NDST3: variants seen among roughly 807,000 people sequenced by gnomAD.
The protein encoded by NDST3 is N-deacetylase and N-sulfotransferase 3.
Under a neutral mutation model 96.1 loss-of-function variants are expected in NDST3, and 58 were observed. That is an observed-to-expected ratio of 0.60 (90% CI 0.49 to 0.75). The LOEUF (loss-of-function observed/expected upper bound fraction) is 0.75. NDST3 is among the 30% of genes least tolerant of loss of function. The probability of loss-of-function intolerance (pLI) is 0.00; values close to 1 mark genes in which losing one functional copy is unlikely to be tolerated. For missense variants in NDST3, 788 were observed against 1,034.2 expected, an observed-to-expected ratio of 0.76 and a Z score of 3.27; for synonymous variants, 333 against 359.7, an observed-to-expected ratio of 0.93 and a Z score of 0.84.
Position 118,108,429 on chromosome 4 carries a change from T to C in NDST3, c.1069+3324T>C, listed in dbSNP as rs147084516. The stretch of plus-strand genomic sequence containing the variant: ...AAGCAAGTTTATCAGTTTTCTACAA[T>C]TGCAAATGCTTTTCAAATTTTTCAT... On this transcript the variant is annotated intron_variant, in intron 3 of 13. Coordinates refer to ENST00000296499, the MANE Select transcript of NDST3 (RefSeq NM_004784.3). Among the ~76,000 whole-genome samples the C allele has an allele frequency of 5.7e-3, 875 of 152,340 alleles. 6 individuals carry two copies. The highest frequency in any genetic ancestry group is 0.019 in the African/African-American group (789 of 41,578).
At chr4:118,182,797 T>C (rs1344738238) in intron 6 of NDST3, among the ~76,000 whole-genome samples, 1 of 152,192 alleles carries the variant, frequency 6.6e-6, no homozygotes, top group African/African-American at 2.4e-5. Context: ...TTGACTCAGT[T>C]ACCTACAGCA....
chr4:118,231,136 G>T, intron 8 of NDST3, among the ~76,000 whole-genome samples: 1 of 151,960 alleles, frequency 6.6e-6, no homozygotes, highest in East Asian at 1.9e-4. Context: ...AGGAGTTCGA[G>T]ACCAGCCTGG....
At chr4:118,167,770 A>G (rs773363326) in intron 6 of NDST3, among the ~76,000 whole-genome samples, 2 of 152,098 alleles carry the variant, frequency 1.3e-5, no homozygotes, top group African/African-American at 2.4e-5. Context: ...ATATGTTGTC[A>G]ACTGACCTTT....
At chr4:118,231,473 T>C (rs1011465322) in intron 8 of NDST3, among the ~76,000 whole-genome samples, 2 of 151,038 alleles carry the variant, frequency 1.3e-5, no homozygotes, top group Non-Finnish European at 3.0e-5. Flanking sequence ...AATAATACCA[T>C]ATTAATACCA....
chr4:118,069,710 TAAGA>T (rs1726891247), intron 2 of NDST3, among the ~76,000 whole-genome samples: 1 of 152,088 alleles, frequency 6.6e-6, no homozygotes, highest in Non-Finnish European at 1.5e-5. Context: ...TTTGTATTTG[TAAGA>T]AAGAGTTAAT....
At chr4:118,153,521 A>C (rs1734534504) in intron 6 of NDST3, among the ~76,000 whole-genome samples, 2 of 152,182 alleles carry the variant, frequency 1.3e-5, no homozygotes, top group African/African-American at 4.8e-5. Flanking sequence ...GGCATTTAAA[A>C]CATGTTGTGT....
chr4:118,206,232 G>T (rs1738435214), intron 6 of NDST3, among the ~76,000 whole-genome samples: 1 of 144,186 alleles, frequency 6.9e-6, no homozygotes, highest in Non-Finnish European at 1.5e-5. Flanking sequence ...TAACGAAGAA[G>T]ATTTGAATTA....
chr4:118,127,882 T>C (rs1732248149), intron 4 of NDST3, among the ~76,000 whole-genome samples: 1 of 152,048 alleles, frequency 6.6e-6, no homozygotes, highest in Non-Finnish European at 1.5e-5. Context: ...CAGTGTTTTA[T>C]AGTTTTCATT....
intron 6 of NDST3, among the ~76,000 whole-genome samples, chr4:118,186,486 G>A (rs891462270): frequency 2.0e-5 from 3 of 152,110 alleles, no homozygotes; most frequent in African/African-American, 7.2e-5. Flanking sequence ...TCTAATGTTC[G>A]AGGACAGGAG....
intron 6 of NDST3, among the ~76,000 whole-genome samples, chr4:118,220,872 C>A (rs553227855): frequency 6.6e-6 from 1 of 152,038 alleles, no homozygotes; most frequent in African/African-American, 2.4e-5. Flanking sequence ...AAAAGGACTA[C>A]TACAAAGCAA....
intron 2 of NDST3, among the ~76,000 whole-genome samples, chr4:118,078,401 C>T (rs1453084302): frequency 6.6e-6 from 1 of 152,134 alleles, no homozygotes; most frequent in African/African-American, 2.4e-5. Flanking sequence ...TGATTATTTA[C>T]ATTTTCTAGC....
intron 4 of NDST3, 81 bp downstream of exon 4, chr4:118,115,041 C>T (rs937507157): frequency 1.5e-5 from 22 of 1,448,506 alleles, no homozygotes; most frequent in South Asian, 1.2e-4. Flanking sequence ...GGCATAGTTG[C>T]GCTTTTCAGT....
intron 2 of NDST3, among the ~76,000 whole-genome samples, chr4:118,086,147 C>G (rs899613596): frequency 3.8e-4 from 58 of 152,154 alleles, no homozygotes; most frequent in Non-Finnish European, 5.3e-4. Flanking sequence ...TTTTCAAACC[C>G]ATAAATCTTC....
chr4:118,151,043 A>T (rs1368725858), intron 6 of NDST3, among the ~76,000 whole-genome samples: 1 of 152,058 alleles, frequency 6.6e-6, no homozygotes, highest in East Asian at 1.9e-4. Context: ...TACACCATGG[A>T]ATACTATGCA....
At position 118,253,677 on chromosome 4, in the gene NDST3, C is replaced by A. The variant is rs560717331; in HGVS notation, c.2502+76C>A. The A allele has an allele frequency of 6.9e-5, 68 of 992,440 alleles. No individual in the cohort carries two copies. The African/African-American group carries it at 9.9e-4, about 14-fold the overall frequency. 61.5% of individuals were successfully genotyped at this position (992,440 alleles called of 1,614,324 possible). ...TAATATCATCTACTTTCTTAAAAAA[C>A]TAGTTAAAGTCAAAATTCAGCCTTT... On this transcript the variant is annotated intron_variant, in intron 13 of 13. Coordinates refer to ENST00000296499, the MANE Select transcript of NDST3 (RefSeq NM_004784.3).
At chr4:118,152,381 C>A (rs1293464537) in intron 6 of NDST3, among the ~76,000 whole-genome samples, 1 of 152,190 alleles carries the variant, frequency 6.6e-6, no homozygotes, top group Non-Finnish European at 1.5e-5. Flanking sequence ...GAAAGCTACA[C>A]ATTCAGGAAT....
At chr4:118,051,732 A>G (rs576729967) in intron 1 of NDST3, among the ~76,000 whole-genome samples, 2 of 152,222 alleles carry the variant, frequency 1.3e-5, no homozygotes, top group East Asian at 3.9e-4. Context: ...ATCCTGCCAA[A>G]ATAGTCTCTT....
At chr4:118,073,233 A>G (rs2389511) in intron 2 of NDST3, among the ~76,000 whole-genome samples, 129,685 of 152,072 alleles carry the variant, frequency 0.85, 56,868 homozygotes, top group South Asian at 0.96. Context: ...AATGATGCTG[A>G]TCTCATAAGA....
At chr4:118,180,101 T>G (rs1312566173) in intron 6 of NDST3, among the ~76,000 whole-genome samples, 1 of 152,068 alleles carries the variant, frequency 6.6e-6, no homozygotes, top group Non-Finnish European at 1.5e-5. Context: ...GGTTTGTTTG[T>G]TTTTTTAACC....
Sources: gnomAD v4.1 joint callset for allele counts (sites outside exome capture counted in the v4.1 genomes callset) on GRCh38, gnomAD v4.1.1 for gene constraint, MANE v1.5 for transcripts, NCBI Gene and HGNC (gene_info 2026-07-23, HGNC 2026-07-21) for gene names.